The following P4HA1 variants were observed in gnomAD, a reference collection of about 807,000 sequenced individuals.
P4HA1 encodes prolyl 4-hydroxylase subunit alpha-1.
A neutral mutation model predicts 72.8 loss-of-function variants in P4HA1; 24 were observed. That is an observed-to-expected ratio of 0.33 (90% CI 0.24 to 0.46). The LOEUF (loss-of-function observed/expected upper bound fraction) is 0.46. P4HA1 is among the 20% of genes least tolerant of loss of function. The pLI is 1.00. For missense variants in P4HA1, 446 were observed against 640.6 expected (o/e 0.70, Z 3.28); for synonymous variants, 201 against 218.8 (o/e 0.92, Z 0.72).
intron 10 of P4HA1, among the ~76,000 whole-genome samples, chr10:73,018,733 A>AACCTCCAGAGCATCCTCTC (rs1280118767): frequency 6.6e-6 from 1 of 152,066 alleles, no homozygotes; most frequent in African/African-American, 2.4e-5. Flanking sequence ...CCCAGACTCA[A>AACCTCCAGAGCATCCTCTC]ACCTCCAGAG....
At chr10:73,086,901 T>C (rs1841933540) in intron 1 of P4HA1, among the ~76,000 whole-genome samples, 1 of 119,852 alleles carries the variant, frequency 8.3e-6, no homozygotes, top group Non-Finnish European at 1.6e-5. Flanking sequence ...GTCACTGCAC[T>C]CCAGCCTGGG....
intron 1 of P4HA1, among the ~76,000 whole-genome samples, chr10:73,093,136 A>AG (rs1371652223): frequency 4.0e-5 from 6 of 151,804 alleles, no homozygotes; most frequent in Admixed American, 6.6e-5. Context: ...AAAAAAAAAA[A>AG]AGAGAGAGTA....
chr10:73,028,530 C>G (rs1023118993), intron 10 of P4HA1, among the ~76,000 whole-genome samples: 2 of 152,082 alleles, frequency 1.3e-5, no homozygotes, highest in African/African-American at 4.8e-5. Context: ...CTCCTGGGTT[C>G]AAGCAATTCT....
intron 5 of P4HA1, among the ~76,000 whole-genome samples, chr10:73,064,934 T>C (rs1178904515): frequency 6.6e-6 from 1 of 152,236 alleles, no homozygotes; most frequent in Non-Finnish European, 1.5e-5. Flanking sequence ...CCAAAAATTC[T>C]TGCACTTCAC....
At chr10:73,008,462 A>G (rs952072580) in intron 14 of P4HA1, among the ~76,000 whole-genome samples, 170 bp from the exon 15 acceptor site, 2 of 152,176 alleles carry the variant, frequency 1.3e-5, no homozygotes, top group Non-Finnish European at 2.9e-5. Flanking sequence ...GAAAACACAG[A>G]TTTTATATAC....
chr10:73,077,961 T>C (rs1414126518), intron 1 of P4HA1, among the ~76,000 whole-genome samples: 1 of 146,574 alleles, frequency 6.8e-6, no homozygotes, highest in Non-Finnish European at 1.5e-5. Context: ...TGCTCTCCAG[T>C]CTGGGCAATA....
intron 1 of P4HA1, among the ~76,000 whole-genome samples, chr10:73,083,580 A>G (rs11000515): frequency 1.3e-5 from 2 of 152,084 alleles, no homozygotes; most frequent in African/African-American, 4.8e-5. Flanking sequence ...AAAAACACAC[A>G]CTTATGTTTT....
At chr10:73,085,081 C>A (rs1311932261) in intron 1 of P4HA1, among the ~76,000 whole-genome samples, 1 of 152,058 alleles carries the variant, frequency 6.6e-6, no homozygotes, top group Non-Finnish European at 1.5e-5. Context: ...GCAGAGGGTA[C>A]TATAAGCCAT....
chr10:73,055,307 C>T (rs943789962), intron 5 of P4HA1, among the ~76,000 whole-genome samples: 4 of 152,122 alleles, frequency 2.6e-5, no homozygotes, highest in Admixed American at 6.5e-5. Flanking sequence ...CAGGTTCAAG[C>T]GATTCTCCTG....
intron 5 of P4HA1, among the ~76,000 whole-genome samples, chr10:73,067,111 T>C (rs1220438590): frequency 1.3e-5 from 2 of 152,024 alleles, no homozygotes; most frequent in African/African-American, 4.8e-5. Context: ...CAAGGGATCC[T>C]TTCCACCTTA....
rs188868883 is a variant in P4HA1 at position 73,017,482 on chromosome 10, A to G, written c.1249-583T>C. The stretch of plus-strand genomic sequence containing the variant: ...AGGTGCATGCTACCACACCCAGCTA[A>G]TTTTTAAAAATTTAATACATAAGCT... On this transcript the variant is annotated intron_variant, in intron 10 of 14. Coordinates refer to ENST00000394890, the MANE Select transcript of P4HA1 (RefSeq NM_001017962.3). Among the ~76,000 whole-genome samples the G allele has an allele frequency of 1.0e-3, 155 of 152,246 alleles. 2 individuals carry two copies. Among genetic ancestry groups the G allele is most frequent in the Admixed American group, 1.2e-3 (19 of 15,276 alleles).
chr10:73,049,571 T>G (rs1840964328), intron 7 of P4HA1, among the ~76,000 whole-genome samples: 1 of 152,226 alleles, frequency 6.6e-6, no homozygotes, highest in Non-Finnish European at 1.5e-5. Flanking sequence ...TTAACAAATG[T>G]TCCCCAGACT....
chr10:73,069,509 T>C (rs1303332026), intron 4 of P4HA1, among the ~76,000 whole-genome samples: 1 of 152,186 alleles, frequency 6.6e-6, no homozygotes, highest in Non-Finnish European at 1.5e-5. Flanking sequence ...TAACTATATA[T>C]TTAAGATCAA....
chr10:73,063,196 T>C (rs1841348986), intron 5 of P4HA1, among the ~76,000 whole-genome samples: 1 of 152,226 alleles, frequency 6.6e-6, no homozygotes, highest in African/African-American at 2.4e-5. Flanking sequence ...CTCACAGTTC[T>C]AGAGGCTGGG....
chr10:73,039,080 G>A (rs903557497), intron 9 of P4HA1, among the ~76,000 whole-genome samples: 1 of 152,082 alleles, frequency 6.6e-6, no homozygotes, highest in African/African-American at 2.4e-5. Context: ...GGGAGTTTGA[G>A]ACCAGCCTAG....
At chr10:73,069,806 G>GTTTTTTTTTTTTTTTTTTTTTTTTTT (rs201651550) in intron 4 of P4HA1, among the ~76,000 whole-genome samples, 1 of 147,418 alleles carries the variant, frequency 6.8e-6, no homozygotes, top group African/African-American at 2.6e-5. Context: ...ATAATCAACT[G>GTTTTTTTTTTTTTTTTTTTTTTTTTT]TTTTGTTTTT....
At chr10:73,035,512 T>C (rs1350094994) in intron 9 of P4HA1, among the ~76,000 whole-genome samples, 9 of 151,934 alleles carry the variant, frequency 5.9e-5, no homozygotes, top group Non-Finnish European at 5.9e-5. Context: ...TGAGACCTCA[T>C]CTCTTAAAAA....
chr10:73,035,910 C>A (rs542862547), intron 9 of P4HA1, among the ~76,000 whole-genome samples: 2 of 152,130 alleles, frequency 1.3e-5, no homozygotes, highest in South Asian at 4.2e-4. Flanking sequence ...ATATCTCGGC[C>A]AGGCGCAGTG....
chr10:73,090,623 T>C (rs1458487279), intron 1 of P4HA1, among the ~76,000 whole-genome samples: 3 of 151,846 alleles, frequency 2.0e-5, no homozygotes, highest in Non-Finnish European at 4.4e-5. Flanking sequence ...CACCCTTATA[T>C]CAAAGATTAG....
Sources: gnomAD v4.1 joint callset for allele counts (sites outside exome capture counted in the v4.1 genomes callset) on GRCh38, gnomAD v4.1.1 for gene constraint, MANE v1.5 for transcripts, NCBI Gene and HGNC (gene_info 2026-07-23, HGNC 2026-07-21) for gene names.